ARHGAP24: variants seen among roughly 807,000 people sequenced by gnomAD.
The protein encoded by ARHGAP24 is Rho GTPase activating protein 24.
In ARHGAP24, 50 loss-of-function variants were observed where a neutral mutation model predicts 76.4. The observed-to-expected ratio is 0.65, with a 90% confidence interval of 0.52 to 0.83. The LOEUF (loss-of-function observed/expected upper bound fraction) is 0.83, where lower values mean the gene tolerates loss of function less well. Ranked by LOEUF, ARHGAP24 falls within the 40% of genes least tolerant of loss-of-function variation. ARHGAP24 has a pLI of 0.00. For synonymous variants in ARHGAP24, 345 were observed against 323.3 expected (o/e 1.07, Z -0.72); for missense variants, 930 against 914.2 (o/e 1.02, Z -0.22).
chr4:85,636,298 T>G lies in ARHGAP24; in HGVS notation c.180+65577T>G, dbSNP rs111924189. Among the ~76,000 whole-genome samples the G allele has an allele frequency of 7.0e-3, 1,061 of 152,036 alleles. 14 individuals carry two copies. Among genetic ancestry groups the G allele is most frequent in the African/African-American group, 0.024 (1,011 of 41,514 alleles). ...TTACATTTCTTCTCTTCAGATGTTTTCTTACAGTAAATTAATAATATAAGC... is the reference window on the plus strand; with the variant it reads ...TTACATTTCTTCTCTTCAGATGTTTGCTTACAGTAAATTAATAATATAAGC... On this transcript the variant is annotated intron_variant, in intron 2 of 9. Transcript: ENST00000395184.
intron 5 of ARHGAP24, among the ~76,000 whole-genome samples, chr4:85,965,448 C>T (rs960853021): frequency 3.9e-5 from 6 of 152,024 alleles, no homozygotes; most frequent in African/African-American, 1.5e-4. Flanking sequence ...CACTATGTCC[C>T]CACCAACGTT....
chr4:85,515,353 C>T (rs923494122), intron 1 of ARHGAP24, among the ~76,000 whole-genome samples: 17 of 145,372 alleles, frequency 1.2e-4, no homozygotes, highest in Admixed American at 4.3e-4. Flanking sequence ...CATCCTATAT[C>T]CACTCTATGC....
intron 2 of ARHGAP24, among the ~76,000 whole-genome samples, chr4:85,576,287 G>A (rs1262595335): frequency 2.0e-5 from 3 of 152,062 alleles, no homozygotes; most frequent in African/African-American, 7.2e-5. Flanking sequence ...AAAATTAGCC[G>A]GGCATGGTGG....
intron 3 of ARHGAP24, among the ~76,000 whole-genome samples, chr4:85,910,382 C>G (rs1268450979): frequency 6.6e-6 from 1 of 152,196 alleles, no homozygotes; most frequent in Admixed American, 6.5e-5. Context: ...GCTCCAAGTT[C>G]TTGTCCTGCG....
intron 3 of ARHGAP24, among the ~76,000 whole-genome samples, chr4:85,814,580 G>T (rs1729156095): frequency 6.6e-6 from 1 of 152,126 alleles, no homozygotes. Context: ...TTATATCCAG[G>T]GCATGCTGAT....
At chr4:85,881,780 C>A (rs1733267062) in intron 3 of ARHGAP24, among the ~76,000 whole-genome samples, 1 of 152,142 alleles carries the variant, frequency 6.6e-6, no homozygotes, top group Non-Finnish European at 1.5e-5. Context: ...TTTGCTGCAG[C>A]TCCTGTTCCC....
intron 3 of ARHGAP24, among the ~76,000 whole-genome samples, chr4:85,764,908 A>G (rs1272607828): frequency 1.3e-5 from 2 of 152,152 alleles, no homozygotes; most frequent in African/African-American, 2.4e-5. Flanking sequence ...TAAACAAACC[A>G]GTATACTTGT....
At chr4:85,702,301 T>C (rs1724122864) in intron 2 of ARHGAP24, among the ~76,000 whole-genome samples, 2 of 152,206 alleles carry the variant, frequency 1.3e-5, no homozygotes, top group Admixed American at 1.3e-4. Flanking sequence ...AAAAAATCTC[T>C]ACTTTTCTTC....
chr4:85,683,121 G>GT (rs1560583940), intron 2 of ARHGAP24, among the ~76,000 whole-genome samples: 1 of 115,290 alleles, frequency 8.7e-6, no homozygotes, highest in African/African-American at 3.2e-5. Context: ...GGGGGGTGGG[G>GT]GGGGGGTGCG....
chr4:85,488,038 T>TG (rs976141427), intron 1 of ARHGAP24, among the ~76,000 whole-genome samples: 11 of 150,060 alleles, frequency 7.3e-5, no homozygotes, highest in Non-Finnish European at 1.3e-4. Context: ...CCTGAGTAGC[T>TG]GGGGACTACA....
chr4:85,811,802 A>T (rs1333231986), intron 3 of ARHGAP24, among the ~76,000 whole-genome samples: 1 of 152,224 alleles, frequency 6.6e-6, no homozygotes, highest in Non-Finnish European at 1.5e-5. Flanking sequence ...AAACAAAGTC[A>T]TATTGCTCTT....
intron 3 of ARHGAP24, among the ~76,000 whole-genome samples, chr4:85,824,828 G>A (rs946366955): frequency 2.0e-5 from 3 of 152,180 alleles, no homozygotes; most frequent in Admixed American, 1.3e-4. Context: ...GGTAGCTCAT[G>A]CCTGTAATCC....
intron 2 of ARHGAP24, among the ~76,000 whole-genome samples, chr4:85,622,948 G>GT (rs1369668482): frequency 6.6e-6 from 1 of 151,716 alleles, no homozygotes; most frequent in South Asian, 2.1e-4. Flanking sequence ...GGGGTTGTTT[G>GT]TTTTTTTCTT....
At chr4:85,588,624 C>T (rs936118237) in intron 2 of ARHGAP24, among the ~76,000 whole-genome samples, 1 of 152,066 alleles carries the variant, frequency 6.6e-6, no homozygotes, top group Non-Finnish European at 1.5e-5. Flanking sequence ...TCATTTTGGA[C>T]GTGGGCATCT....
chr4:85,590,217 C>T (rs866723517), intron 2 of ARHGAP24, among the ~76,000 whole-genome samples: 1 of 148,300 alleles, frequency 6.7e-6, no homozygotes, highest in South Asian at 2.1e-4. Context: ...TTCCTTCCTT[C>T]CTTCCTTCCT....
intron 2 of ARHGAP24, among the ~76,000 whole-genome samples, chr4:85,663,981 T>C (rs1722508500): frequency 6.6e-6 from 1 of 151,758 alleles, no homozygotes; most frequent in Admixed American, 6.6e-5. Flanking sequence ...TAAAATTCTC[T>C]TTTTTGATTT....
chr4:85,984,915 A>G (rs1392352884), intron 8 of ARHGAP24, among the ~76,000 whole-genome samples: 1 of 152,080 alleles, frequency 6.6e-6, no homozygotes, highest in African/African-American at 2.4e-5. Flanking sequence ...TCCACCTCCC[A>G]GGTTCAAGTG....
intron 1 of ARHGAP24, among the ~76,000 whole-genome samples, chr4:85,511,210 T>A (rs2110105563): frequency 6.6e-6 from 1 of 152,166 alleles, no homozygotes; most frequent in East Asian, 1.9e-4. Context: ...TCTGATTTTT[T>A]TAAAATCTGT....
chr4:85,546,035 T>C (rs1560527151), intron 1 of ARHGAP24, among the ~76,000 whole-genome samples: 1 of 152,162 alleles, frequency 6.6e-6, no homozygotes, highest in African/African-American at 2.4e-5. Context: ...TTATTAGCAG[T>C]AGGACTGTAG....
Sources: allele counts gnomAD v4.1 joint callset (sites outside exome capture counted in the v4.1 genomes callset), GRCh38; gene constraint gnomAD v4.1.1; transcripts MANE v1.5; gene names NCBI Gene and HGNC (gene_info 2026-07-23, HGNC 2026-07-21).